The following PPWD1 variants were observed in gnomAD, a reference collection of about 807,000 sequenced individuals.
PPWD1 encodes the protein peptidylprolyl isomerase domain and WD repeat-containing protein 1.
A neutral mutation model predicts 68.8 loss-of-function variants in PPWD1; 43 were observed. That is an observed-to-expected ratio of 0.62 (90% CI 0.49 to 0.81). PPWD1 has a LOEUF of 0.81. Ranked by LOEUF, PPWD1 falls within the 30% of genes least tolerant of loss-of-function variation. The pLI, the probability that PPWD1 is intolerant of heterozygous loss-of-function variation, is 0.00. For synonymous variants in PPWD1, 232 were observed against 258.7 expected (o/e 0.90, Z 0.99); for missense variants, 672 against 804.8 (o/e 0.83, Z 2.00).
chr5:65,565,434 T>C (rs1479411737), intron 1 of PPWD1, among the ~76,000 whole-genome samples: 6 of 152,236 alleles, frequency 3.9e-5, no homozygotes, highest in African/African-American at 1.2e-4. Context: ...TCTTATAAAC[T>C]TAATATAACG....
At position 65,585,087 on chromosome 5, in the gene PPWD1, A is replaced by G; in HGVS notation, c.1606A>G (p.Ile536Val). Residue 536 changes from isoleucine (I) to valine (V), a missense_variant, in exon 9 of 11, where the codon ATA (isoleucine) becomes GTA (valine). Physicochemically the swap from Ile to Val is conservative, Grantham distance 29. This residue lies in a region of PPWD1 where 484 missense variants were observed against 646.2 expected (regional missense o/e 0.75). Transcript: ENST00000261308. ...GYYNGHTFHR[I>V]IKGFMIQTGD... ...TTATAATGGGCATACATTTCACCGT[A>G]TAATTAAGGTAAGTTACATAAATTT... 1.2e-6 allele frequency: 2 copies of G among 1,610,048 alleles called. No individual in the cohort carries two copies. Among genetic ancestry groups the G allele is most frequent in the Non-Finnish European group, 1.7e-6 (2 of 1,176,876 alleles).
chr5:65,569,721 G>T lies in PPWD1; in HGVS notation c.389G>T (p.Arg130Leu), dbSNP rs996912801. 2.5e-6 allele frequency: 4 copies of T among 1,609,246 alleles called. No homozygotes were observed. In the Middle Eastern group the frequency reaches 6.6e-4, roughly 266 times the overall value. The change falls in exon 3 of 11, where the codon CGT becomes CTT. Residue 130 changes from arginine to leucine, a missense_variant. Transcript: ENST00000261308. ...EEGIEFVKHF[R>L]SHLGVIESIA... ...GGAATTGAATTTGTTAAACATTTTC[G>T]TAGTCACCTGGGTAAGAATTGCACC...
At chr5:65,574,075 A>G (rs1230623862) in intron 5 of PPWD1, among the ~76,000 whole-genome samples, 1 of 152,204 alleles carries the variant, frequency 6.6e-6, no homozygotes, top group East Asian at 1.9e-4. Context: ...GCAGTGACCA[A>G]TTTGCATTGG....
chr5:65,572,917 T>A (rs1456384819), intron 5 of PPWD1, among the ~76,000 whole-genome samples: 1 of 152,198 alleles, frequency 6.6e-6, no homozygotes, highest in Non-Finnish European at 1.5e-5. Context: ...TCTGGCTTCT[T>A]CCTAATATCC....
chr5:65,567,582 A>G lies in PPWD1; in HGVS notation c.266A>G (p.His89Arg). The change falls in exon 2 of 11, where the codon CAT becomes CGT. Residue 89 changes from histidine (H) to arginine (R), a missense_variant. Around this residue, in one of 2 missense-constraint regions of PPWD1, gnomAD observed 188 missense variants for 158.6 expected, o/e 1.19. Coordinates refer to ENST00000261308, the MANE Select transcript of PPWD1 (RefSeq NM_015342.4). ...TCCATGTATGAGCGCAGTTACATGC[A>G]TAGAGATGTTATCACCCATGTGGTA... ...SASMYERSYM[H>R]RDVITHVVCT... 1.9e-6 allele frequency: 3 copies of G among 1,612,176 alleles called. No homozygotes were observed. The highest frequency in any genetic ancestry group is 2.5e-6 in the Non-Finnish European group (3 of 1,178,776).
chr5:65,584,158 T>A (rs1313895266), intron 8 of PPWD1, among the ~76,000 whole-genome samples: 2 of 152,208 alleles, frequency 1.3e-5, no homozygotes, highest in African/African-American at 2.4e-5. Flanking sequence ...TATGAACGTT[T>A]TATACCATAT....
At chr5:65,563,882 G>C in intron 1 of PPWD1, 1 of 1,445,768 alleles carries the variant, frequency 6.9e-7, no homozygotes. Flanking sequence ...TTTAGTTCAG[G>C]AGTGGTGTTA....
intron 6 of PPWD1, among the ~76,000 whole-genome samples, chr5:65,578,760 G>GTATATATATATACATATATATGTGTA (rs1282035548): frequency 2.7e-5 from 2 of 74,166 alleles, no homozygotes; most frequent in African/African-American, 1.3e-4. Context: ...ACATATATGT[G>GTATATATATATACATATATATGTGTA]TATATATATA....
At position 65,585,048 on chromosome 5, in the gene PPWD1, A is replaced by G; in HGVS notation, c.1567A>G (p.Ser523Gly). 6.2e-7 allele frequency: 1 copy of G among 1,612,730 alleles called. No individual in the cohort carries two copies. Among genetic ancestry groups the G allele is most frequent in the African/African-American group, 1.3e-5 (1 of 74,998 alleles). ...PKTVENFCVH[S>G]RNGYYNGHTF... is the part of the protein sequence containing the mutation. ...GACAGTGGAAAACTTCTGTGTTCAC[A>G]GCAGAAATGGTTATTATAATGGGCA... Residue 523 changes from serine to glycine, a missense_variant, in exon 9 of 11, where the codon AGC becomes GGC. Physicochemically the swap from Ser to Gly is moderately conservative, Grantham distance 56. Around this residue, in one of 2 missense-constraint regions of PPWD1, gnomAD observed 484 missense variants for 646.2 expected, o/e 0.75. Coordinates refer to ENST00000261308, the MANE Select transcript of PPWD1 (RefSeq NM_015342.4).
intron 4 of PPWD1, 25 bp downstream of exon 4, chr5:65,570,023 ATT>A: frequency 6.4e-7 from 1 of 1,571,042 alleles, no homozygotes; most frequent in Non-Finnish European, 8.7e-7. Flanking sequence ...AAGTATATAT[ATT>A]TTAACTTATT....
In PPWD1 at chr5:65,569,616, C is replaced by T. The variant is rs370637902; in HGVS notation, c.300-16C>T. On this transcript the variant is annotated splice_polypyrimidine_tract_variant and intron_variant, in intron 2 of 10. Transcript: ENST00000261308. ...ATCTGTCTTAGAAATTAACTTTTAACATTTCATATATGCAGAACAGATTTT... is the reference window on the plus strand; with the variant it reads ...ATCTGTCTTAGAAATTAACTTTTAATATTTCATATATGCAGAACAGATTTT... 1.3e-6 allele frequency: 2 copies of T among 1,548,348 alleles called. No individual in the cohort carries two copies. Among genetic ancestry groups the T allele is most frequent in the African/African-American group, 2.7e-5 (2 of 72,734 alleles).
At chr5:65,574,754 C>T (rs1215312693) in intron 5 of PPWD1, among the ~76,000 whole-genome samples, 12 of 152,190 alleles carry the variant, frequency 7.9e-5, no homozygotes, top group African/African-American at 1.2e-4. Context: ...TGAGCCACCG[C>T]GCCCGGCCGG....
At chr5:65,569,185 A>G (rs1338639347) in intron 2 of PPWD1, among the ~76,000 whole-genome samples, 1 of 152,080 alleles carries the variant, frequency 6.6e-6, no homozygotes, top group African/African-American at 2.4e-5. Flanking sequence ...TTGATACTTA[A>G]GTAACCAAAA....
At chr5:65,585,969 A>G (rs1482872793) in intron 9 of PPWD1, 30 bp from the exon 10 acceptor site, 18 of 1,607,108 alleles carry the variant, frequency 1.1e-5, no homozygotes, top group Non-Finnish European at 1.5e-5. Flanking sequence ...GAAAAGGACA[A>G]TGTAATGTTT....
intron 5 of PPWD1, among the ~76,000 whole-genome samples, chr5:65,573,966 G>GC (rs1472956170): frequency 6.6e-6 from 1 of 152,182 alleles, no homozygotes; most frequent in Non-Finnish European, 1.5e-5. Flanking sequence ...TTCTGTGATT[G>GC]CAACTATTGC....
chr5:65,574,311 ATACT>A (rs1458366791), intron 5 of PPWD1, among the ~76,000 whole-genome samples: 3 of 152,190 alleles, frequency 2.0e-5, no homozygotes, highest in African/African-American at 4.8e-5. Context: ...TTTATCGGTA[ATACT>A]TTCTTTAATG....
intron 2 of PPWD1, 168 bp from the exon 3 acceptor site, chr5:65,569,464 T>G: frequency 4.8e-6 from 3 of 628,444 alleles, no homozygotes; most frequent in Non-Finnish European, 7.0e-6. Context: ...GAAAGGAGTT[T>G]CAAAATTTGC....
In PPWD1 at chr5:65,576,986, T is replaced by G. The variant is rs1476448251; in HGVS notation, c.1077T>G (p.Ile359Met). ...AGAAGGTTGATGCTGTAAGATTAAT[T>G]AATATAGTTTTTGATGAAACTGGAC... ...ELEKVDAVRL[I>M]NIVFDETGHF... The change falls in exon 6 of 11, where the codon ATT becomes ATG. Residue 359 changes from isoleucine to methionine, a missense_variant. Ile to Met is a conservative substitution (Grantham distance 10, BLOSUM62 1). Around this residue, in one of 2 missense-constraint regions of PPWD1, gnomAD observed 484 missense variants for 646.2 expected, o/e 0.75. Transcript: ENST00000261308. The G allele has an allele frequency of 6.2e-7, 1 of 1,614,042 alleles. No individual in the cohort carries two copies. The highest frequency in any genetic ancestry group is 8.5e-7 in the Non-Finnish European group (1 of 1,180,018).
chr5:65,568,881 C>G (rs1196673985), intron 2 of PPWD1: 1 of 455,066 alleles, frequency 2.2e-6, no homozygotes, highest in Non-Finnish European at 4.4e-6. Context: ...CTGTCACTCT[C>G]TTCTCAAATA....
Sources: allele counts gnomAD v4.1 joint callset (sites outside exome capture counted in the v4.1 genomes callset), GRCh38; gene constraint gnomAD v4.1.1; regional missense constraint gnomAD v4.1.1; transcripts MANE v1.5; gene names NCBI Gene and HGNC (gene_info 2026-07-23, HGNC 2026-07-21).